Variants in VPS39 observed in about 807,000 individuals in gnomAD.
VPS39 encodes VPS39 subunit of HOPS complex.
A neutral mutation model predicts 121.0 loss-of-function variants in VPS39; 70 were observed. The ratio of observed to expected loss-of-function variants is 0.58; its 90% CI spans 0.48 to 0.71. The LOEUF (loss-of-function observed/expected upper bound fraction) is 0.71, where lower values mean the gene tolerates loss of function less well. Ranked by LOEUF, VPS39 falls within the 30% of genes least tolerant of loss-of-function variation. VPS39 has a pLI of 0.00. For synonymous variants in VPS39, 378 were observed against 398.1 expected (o/e 0.95, Z 0.60); for missense variants, 818 against 1,051.5 (o/e 0.78, Z 3.07).
intron 2 of VPS39, chr15:42,199,480 C>A: frequency 2.5e-6 from 1 of 399,114 alleles, no homozygotes; most frequent in Non-Finnish European, 4.9e-6. Flanking sequence ...TCTTGTTCTA[C>A]CCCTCATAAG....
At chr15:42,206,225 C>T (rs908562460) in intron 1 of VPS39, among the ~76,000 whole-genome samples, 4 of 152,166 alleles carry the variant, frequency 2.6e-5, no homozygotes, top group Admixed American at 6.5e-5. Flanking sequence ...TGTGACCTGC[C>T]TCTGGAAGTT....
At chr15:42,198,928 T>A (rs963848069) in intron 2 of VPS39, among the ~76,000 whole-genome samples, 2 of 152,222 alleles carry the variant, frequency 1.3e-5, no homozygotes, top group Non-Finnish European at 2.9e-5. Context: ...ATCTATTTTG[T>A]TCTCTGGTTT....
At chr15:42,202,367 G>C (rs2050085682) in intron 1 of VPS39, among the ~76,000 whole-genome samples, 1 of 152,130 alleles carries the variant, frequency 6.6e-6, no homozygotes, top group African/African-American at 2.4e-5. Context: ...CAGCTCTAAT[G>C]AAGGCTGGAG....
intron 4 of VPS39, 107 bp from the exon 5 acceptor site, chr15:42,189,315 G>C (rs767941157): frequency 1.2e-5 from 9 of 782,114 alleles, no homozygotes; most frequent in Non-Finnish European, 1.9e-5. Context: ...GAAGCAAATG[G>C]CAGATGTTGG....
chr15:42,202,861 T>C (rs2050094903), intron 1 of VPS39, among the ~76,000 whole-genome samples: 1 of 152,208 alleles, frequency 6.6e-6, no homozygotes, highest in Non-Finnish European at 1.5e-5. Context: ...TCAGTTATCT[T>C]AGAGCAGATC....
Position 42,208,178 on chromosome 15 carries a change from G to C in VPS39, c.-25C>G. 1.9e-6 allele frequency: 3 copies of C among 1,557,808 alleles called. No homozygotes were observed. The highest frequency in any genetic ancestry group is 2.6e-6 in the Non-Finnish European group (3 of 1,150,832). ...TGGCGGCAAGGGGAGAGTTGCCACCGCCGTCTCGCCCAGAGTGTTCCGGGC... is the reference window on the plus strand; with the variant it reads ...TGGCGGCAAGGGGAGAGTTGCCACCCCCGTCTCGCCCAGAGTGTTCCGGGC... On this transcript the variant is annotated 5_prime_UTR_variant, in exon 1 of 25. Coordinates refer to ENST00000318006, the MANE Select transcript of VPS39 (RefSeq NM_015289.5).
Position 42,199,881 on chromosome 15 carries a change from G to A in VPS39, c.139+15C>T, listed in dbSNP as rs1399496345. 1 of 1,565,186 alleles carries A rather than the reference G, an allele frequency of 6.4e-7. No individual in the cohort carries two copies. The highest frequency in any genetic ancestry group is 1.4e-5 in the African/African-American group (1 of 71,200). On this transcript the variant is annotated intron_variant, in intron 2 of 24. Transcript: ENST00000318006. ...TATTAAAACTTATTTTTTTGCATGA[G>A]CAATGTGCACTTACCAACGTCCTTC...
intron 2 of VPS39, among the ~76,000 whole-genome samples, chr15:42,197,395 A>T (rs1479435693): frequency 2.7e-5 from 4 of 150,162 alleles, no homozygotes; most frequent in African/African-American, 4.9e-5. Context: ...AAAAAAAAAG[A>T]TACAAAAATG....
In VPS39 at chr15:42,163,248, T is replaced by A. The variant is rs1001834200; in HGVS notation, c.2175+102A>T. ...ATGCAAGATCAATCAGAGCCCTGAC[T>A]CGTGCCCTGTCTTATTCTGCCACTC... On this transcript the variant is annotated intron_variant, in intron 21 of 24. Transcript: ENST00000318006. 5 of 1,379,628 alleles carry A rather than the reference T, an allele frequency of 3.6e-6. No homozygotes were observed. The African/African-American group carries it at 7.1e-5, about 20-fold the overall frequency. 85.5% of individuals were successfully genotyped at this position (1,379,628 alleles called of 1,614,324 possible).
intron 6 of VPS39, 23 bp from the exon 7 acceptor site, chr15:42,187,386 T>C: frequency 1.9e-5 from 30 of 1,568,520 alleles, no homozygotes; most frequent in Non-Finnish European, 2.5e-5. Flanking sequence ...AGCAAGGATC[T>C]GAATGAAATA....
intron 8 of VPS39, among the ~76,000 whole-genome samples, chr15:42,183,339 C>A (rs527610689): frequency 1.3e-5 from 2 of 151,920 alleles, no homozygotes; most frequent in South Asian, 2.1e-4. Context: ...TGAGCTTAGG[C>A]AATCTGCCTG....
chr15:42,162,196 G>T (rs2049142531), intron 22 of VPS39, 30 bp from the exon 23 acceptor site: 1 of 1,613,660 alleles, frequency 6.2e-7, no homozygotes, highest in South Asian at 1.1e-5. Flanking sequence ...TAGGGACTGG[G>T]TGAGGTGAAC....
At chr15:42,167,225 T>C (rs2049261227) in intron 13 of VPS39, among the ~76,000 whole-genome samples, 169 bp downstream of exon 13, 2 of 152,216 alleles carry the variant, frequency 1.3e-5, no homozygotes, top group African/African-American at 4.8e-5. Context: ...TGCCCTATCC[T>C]CTTAATTCCA....
At chr15:42,162,671 CT>C in intron 21 of VPS39, 190 bp from the exon 22 acceptor site, 2 of 593,720 alleles carry the variant, frequency 3.4e-6, no homozygotes, top group South Asian at 5.4e-5. Flanking sequence ...TTAAGGATTG[CT>C]TTTTCCCTGA....
chr15:42,173,605 T>G, intron 11 of VPS39, 118 bp downstream of exon 11: 1 of 1,348,306 alleles, frequency 7.4e-7, no homozygotes. Context: ...GGTATGAGGA[T>G]CAATTTAGCT....
intron 7 of VPS39, among the ~76,000 whole-genome samples, chr15:42,186,798 T>A (rs2049712326): frequency 6.6e-6 from 1 of 152,224 alleles, no homozygotes; most frequent in Non-Finnish European, 1.5e-5. Context: ...TTTTCTGTAA[T>A]AAACACGTGT....
intron 5 of VPS39, among the ~76,000 whole-genome samples, 162 bp from the exon 6 acceptor site, chr15:42,188,018 T>C (rs2049741006): frequency 6.6e-6 from 1 of 151,780 alleles, no homozygotes; most frequent in South Asian, 2.1e-4. Context: ...TTCTCTAAGA[T>C]GCGCTAAGAA....
At chr15:42,185,096 G>A (rs904566936) in intron 7 of VPS39, among the ~76,000 whole-genome samples, 3 of 152,074 alleles carry the variant, frequency 2.0e-5, no homozygotes, top group African/African-American at 7.2e-5. Flanking sequence ...CATTTGCCCA[G>A]GAATGCCAAT....
At chr15:42,179,643 A>C (rs1157761988) in intron 8 of VPS39, among the ~76,000 whole-genome samples, 1 of 150,758 alleles carries the variant, frequency 6.6e-6, no homozygotes, top group Non-Finnish European at 1.5e-5. Flanking sequence ...ATAAAAAAAA[A>C]AGAAATAAAA....
Sources: gnomAD v4.1 joint callset for allele counts (sites outside exome capture counted in the v4.1 genomes callset) on GRCh38, gnomAD v4.1.1 for gene constraint, MANE v1.5 for transcripts, NCBI Gene and HGNC (gene_info 2026-07-23, HGNC 2026-07-21) for gene names.